The following MEIKIN variants were observed in gnomAD, a reference collection of about 807,000 sequenced individuals.
MEIKIN encodes meiotic kinetochore factor.
intron 9 of MEIKIN, among the ~76,000 whole-genome samples, chr5:131,872,927 C>A (rs1158597736): frequency 1.3e-5 from 2 of 152,144 alleles, no homozygotes; most frequent in African/African-American, 2.4e-5. Context: ...GAAATAAAAT[C>A]CTTTACAGAC....
chr5:131,827,291 G>A (rs2149605360), intron 11 of MEIKIN, among the ~76,000 whole-genome samples: 1 of 152,108 alleles, frequency 6.6e-6, no homozygotes, highest in East Asian at 1.9e-4. Flanking sequence ...AGCCAAAATT[G>A]TTTTTTTCAA....
chr5:131,894,957 A>G (rs772646745), intron 8 of MEIKIN, among the ~76,000 whole-genome samples: 3 of 152,134 alleles, frequency 2.0e-5, no homozygotes, highest in Non-Finnish European at 4.4e-5. Flanking sequence ...GTGGTGAGAG[A>G]GCACATCCTT....
chr5:131,869,354 T>C (rs1750445123), intron 9 of MEIKIN, among the ~76,000 whole-genome samples: 1 of 152,268 alleles, frequency 6.6e-6, no homozygotes, highest in Non-Finnish European at 1.5e-5. Flanking sequence ...TTTATTCTTT[T>C]ACCAAACCCA....
At chr5:131,929,070 G>A (rs1456331820) in intron 5 of MEIKIN, among the ~76,000 whole-genome samples, 1 of 152,138 alleles carries the variant, frequency 6.6e-6, no homozygotes, top group Non-Finnish European at 1.5e-5. Flanking sequence ...GTTTTCCTGG[G>A]TGTACTGTTG....
intron 6 of MEIKIN, among the ~76,000 whole-genome samples, chr5:131,918,551 T>C (rs1761790844): frequency 6.6e-6 from 1 of 152,228 alleles, no homozygotes; most frequent in Non-Finnish European, 1.5e-5. Context: ...TTGACTAATA[T>C]GACCCTTTCT....
intron 11 of MEIKIN, among the ~76,000 whole-genome samples, chr5:131,849,785 T>C (rs1750080388): frequency 6.6e-6 from 1 of 151,822 alleles, no homozygotes; most frequent in African/African-American, 2.4e-5. Context: ...GGCAAGGATG[T>C]CTGCATTTTC....
intron 6 of MEIKIN, among the ~76,000 whole-genome samples, chr5:131,920,801 C>T (rs1254925173): frequency 2.0e-5 from 3 of 151,872 alleles, no homozygotes; most frequent in Non-Finnish European, 4.4e-5. Flanking sequence ...TCAAGCGATC[C>T]TCTCATTCTC....
chr5:131,941,250 C>G (rs1205371825), intron 4 of MEIKIN, among the ~76,000 whole-genome samples: 1 of 141,344 alleles, frequency 7.1e-6, no homozygotes, highest in African/African-American at 2.9e-5. Context: ...CCTCCGCCTC[C>G]CGGGTTCAAG....
At chr5:131,853,131 T>C (rs1580873045) in intron 10 of MEIKIN, among the ~76,000 whole-genome samples, 1 of 152,180 alleles carries the variant, frequency 6.6e-6, no homozygotes, top group Admixed American at 6.5e-5. Context: ...ACATTGCTTA[T>C]GGTAAAAATA....
At chr5:131,830,216 C>G (rs1424332997) in intron 11 of MEIKIN, among the ~76,000 whole-genome samples, 1 of 151,938 alleles carries the variant, frequency 6.6e-6, no homozygotes, top group Non-Finnish European at 1.5e-5. Flanking sequence ...GTGGTGAAAC[C>G]CCATCTCTAC....
At chr5:131,826,155 G>A (rs1749605811) in intron 11 of MEIKIN, among the ~76,000 whole-genome samples, 2 of 148,168 alleles carry the variant, frequency 1.3e-5, no homozygotes. Flanking sequence ...TTGGACTCCT[G>A]GCCTCAAGCA....
At chr5:131,818,296 T>G (rs568000183) in intron 12 of MEIKIN, among the ~76,000 whole-genome samples, 4 of 152,224 alleles carry the variant, frequency 2.6e-5, no homozygotes, top group Non-Finnish European at 5.9e-5. Flanking sequence ...CACATAATTA[T>G]AAGAGAAAGT....
chr5:131,885,357 G>GAGAGAGAA (rs1435510389), intron 8 of MEIKIN, among the ~76,000 whole-genome samples: 27 of 13,146 alleles, frequency 2.1e-3, no homozygotes, highest in Non-Finnish European at 2.7e-3. Context: ...GAGAGAGAGA[G>GAGAGAGAA]AGAGAGAGAG....
chr5:131,845,272 TA>T (rs1158220526), intron 11 of MEIKIN, among the ~76,000 whole-genome samples: 350 of 45,346 alleles, frequency 7.7e-3, no homozygotes, highest in African/African-American at 0.026. Flanking sequence ...GACTTCGTCT[TA>T]AAAAAAAAAA....
In MEIKIN at chr5:131,874,666, A is replaced by T. The variant is rs533638961; in HGVS notation, c.774+4312T>A. On this transcript the variant is annotated intron_variant, in intron 9 of 12. Coordinates refer to ENST00000442687, the MANE Select transcript of MEIKIN (RefSeq NM_001303622.2). ...TTTATGAGGCCAGCATCATCCTGAT[A>T]CCAAAGTCTGGCAGAGACACAACAA... Among the ~76,000 whole-genome samples the T allele has an allele frequency of 1.7e-4, 26 of 152,082 alleles. 1 individual carries two copies. The highest frequency in any genetic ancestry group is 1.3e-3 in the Admixed American group (20 of 15,274).
intron 9 of MEIKIN, among the ~76,000 whole-genome samples, chr5:131,868,944 T>C (rs1310799672): frequency 2.0e-5 from 3 of 152,250 alleles, no homozygotes; most frequent in East Asian, 3.8e-4. Flanking sequence ...CTCATTATCT[T>C]GACATTGTCC....
intron 7 of MEIKIN, among the ~76,000 whole-genome samples, chr5:131,915,796 G>A (rs1290793738): frequency 2.0e-5 from 3 of 151,686 alleles, no homozygotes; most frequent in African/African-American, 7.3e-5. Context: ...GTTTAGATGA[G>A]TTATTTAAAA....
intron 9 of MEIKIN, among the ~76,000 whole-genome samples, chr5:131,871,320 C>A (rs1358318637): frequency 1.3e-5 from 2 of 152,260 alleles, no homozygotes; most frequent in African/African-American, 2.4e-5. Context: ...ACTTTCCCAA[C>A]TGGCTTAAAA....
At chr5:131,872,229 C>T (rs908145516) in intron 9 of MEIKIN, among the ~76,000 whole-genome samples, 1 of 121,024 alleles carries the variant, frequency 8.3e-6, no homozygotes, top group Admixed American at 9.1e-5. Context: ...AAACCAATGG[C>T]AAAGAAGTTA....
Sources: gnomAD v4.1 joint callset for allele counts (sites outside exome capture counted in the v4.1 genomes callset) on GRCh38, gnomAD v4.1.1 for gene constraint, MANE v1.5 for transcripts, NCBI Gene and HGNC (gene_info 2026-07-23, HGNC 2026-07-21) for gene names.